Variants in RHCE observed in about 807,000 individuals in gnomAD.
RHCE encodes the protein blood group Rh(CE) polypeptide.
Under a neutral mutation model 43.8 loss-of-function variants are expected in RHCE, and 22 were observed. The ratio of observed to expected loss-of-function variants is 0.50; its 90% confidence interval spans 0.36 to 0.72. The LOEUF is 0.72. Ranked by LOEUF, RHCE falls within the 30% of genes least tolerant of loss-of-function variation. RHCE has a pLI of 0.00. For synonymous variants in RHCE, 156 were observed against 210.7 expected, an observed-to-expected ratio of 0.74 and a Z score of 2.25; for missense variants, 385 against 525.4, an observed-to-expected ratio of 0.73 and a Z score of 2.61.
chr1:25,393,315 G>T (rs796380174), intron 3 of RHCE, among the ~76,000 whole-genome samples: 30 of 152,240 alleles, frequency 2.0e-4, no homozygotes, highest in African/African-American at 7.0e-4. Context: ...AGCAGACAGA[G>T]TGACCCTGTT....
chr1:25,411,787 G>A (rs549014118), intron 1 of RHCE, among the ~76,000 whole-genome samples: 10 of 152,298 alleles, frequency 6.6e-5, no homozygotes, highest in African/African-American at 1.7e-4. Context: ...ATATGAAGGT[G>A]CAGTGCACAT....
chr1:25,379,505 T>A (rs1349280163), intron 7 of RHCE, among the ~76,000 whole-genome samples: 74 of 39,734 alleles, frequency 1.9e-3, no homozygotes, highest in African/African-American at 9.8e-3. Context: ...ATTTTTTTTT[T>A]TTTTTTTTTT....
At chr1:25,416,030 T>C (rs1647390172) in intron 1 of RHCE, among the ~76,000 whole-genome samples, 1 of 151,206 alleles carries the variant, frequency 6.6e-6, no homozygotes, top group Non-Finnish European at 1.5e-5. Flanking sequence ...AACATGGATC[T>C]AGGCTATTCT....
intron 5 of RHCE, among the ~76,000 whole-genome samples, chr1:25,390,336 G>A (rs371173959): frequency 6.6e-6 from 1 of 152,204 alleles, no homozygotes; most frequent in South Asian, 2.1e-4. Context: ...CACATGGCTA[G>A]TGTCACATAC....
intron 9 of RHCE, among the ~76,000 whole-genome samples, chr1:25,370,114 G>A (rs970878872): frequency 1.7e-4 from 26 of 151,752 alleles, no homozygotes; most frequent in Admixed American, 9.8e-4. Flanking sequence ...AAGGCTTGAG[G>A]TTTCTTCCAG....
intron 6 of RHCE, 105 bp downstream of exon 6, chr1:25,388,871 C>G: frequency 6.3e-7 from 1 of 1,580,096 alleles, no homozygotes; most frequent in African/African-American, 1.3e-5. Context: ...GAGAATGCAC[C>G]AACACCTGCC....
At chr1:25,384,703 G>A (rs115821170) in intron 7 of RHCE, among the ~76,000 whole-genome samples, 6,693 of 152,158 alleles carry the variant, frequency 0.044, 461 homozygotes, top group African/African-American at 0.15. Flanking sequence ...GAACCCCAGC[G>A]CCTCCATGAT....
At chr1:25,400,074 C>T (rs1193386815) in intron 3 of RHCE, among the ~76,000 whole-genome samples, 2 of 152,176 alleles carry the variant, frequency 1.3e-5, no homozygotes, top group Non-Finnish European at 2.9e-5. Flanking sequence ...CCCACTCCTG[C>T]TTTCCAACTC....
At chr1:25,400,083 T>C (rs1194955451) in intron 3 of RHCE, among the ~76,000 whole-genome samples, 1 of 152,162 alleles carries the variant, frequency 6.6e-6, no homozygotes, top group Admixed American at 6.5e-5. Context: ...GCTTTCCAAC[T>C]CAAAGGCTTG....
intron 6 of RHCE, among the ~76,000 whole-genome samples, chr1:25,387,632 TA>T (rs1235524010): frequency 6.6e-6 from 1 of 152,192 alleles, no homozygotes; most frequent in Non-Finnish European, 1.5e-5. Flanking sequence ...CCAGAGGAGA[TA>T]AAAGAAATTT....
At chr1:25,424,512 C>T (rs1260336400), upstream of RHCE, among the ~76,000 whole-genome samples, 7 of 152,088 alleles carry the variant, frequency 4.6e-5, no homozygotes, top group East Asian at 1.9e-4. Context: ...CTCAGCCTCC[C>T]GAGTAGCTGG....
At chr1:25,377,976 T>G (rs1289789190) in intron 7 of RHCE, among the ~76,000 whole-genome samples, 4 of 152,118 alleles carry the variant, frequency 2.6e-5, no homozygotes, top group Non-Finnish European at 5.9e-5. Flanking sequence ...ATTCCTAAAA[T>G]CAATAAGAAA....
intron 1 of RHCE, among the ~76,000 whole-genome samples, chr1:25,418,296 G>A (rs1169798826): frequency 6.6e-6 from 1 of 152,010 alleles, no homozygotes; most frequent in Non-Finnish European, 1.5e-5. Flanking sequence ...CAAAGTGTTT[G>A]GGATTACAGG....
At position 25,399,293 on chromosome 1, in the gene RHCE, A is replaced by G. The variant is rs1003378079; in HGVS notation, c.486+3303T>C. Reference sequence around the variant, plus strand: ...GCTCACAATAAGGAAGAAATAACAGATAAGTCCATTGGTGGACAGCCTTCT... The same window carrying G: ...GCTCACAATAAGGAAGAAATAACAGGTAAGTCCATTGGTGGACAGCCTTCT... On this transcript the variant is annotated intron_variant, in intron 3 of 9. Coordinates refer to ENST00000294413, the MANE Select transcript of RHCE (RefSeq NM_020485.8). 7 of 829,830 alleles carry G rather than the reference A, an allele frequency of 8.4e-6. 1 individual carries two copies. The highest frequency in any genetic ancestry group is 1.4e-5 in the South Asian group (1 of 72,872). 51.4% of individuals were successfully genotyped at this position (829,830 alleles called of 1,614,324 possible).
At chr1:25,376,449 G>C (rs780926136) in intron 7 of RHCE, among the ~76,000 whole-genome samples, 54 of 152,264 alleles carry the variant, frequency 3.5e-4, no homozygotes, top group Middle Eastern at 3.4e-3. Context: ...TAAGACAAAG[G>C]AAAGCTCCAA....
intron 3 of RHCE, among the ~76,000 whole-genome samples, chr1:25,401,225 A>G (rs1410024035): frequency 1.3e-5 from 2 of 151,996 alleles, no homozygotes; most frequent in Non-Finnish European, 2.9e-5. Context: ...TAATTCAATT[A>G]CTCCCTCAAA....
At chr1:25,396,718 C>A (rs1646549339) in intron 3 of RHCE, among the ~76,000 whole-genome samples, 1 of 152,186 alleles carries the variant, frequency 6.6e-6, no homozygotes, top group South Asian at 2.1e-4. Context: ...GGGGAAACCA[C>A]CCCTGTGATC....
chr1:25,392,233 T>A (rs1646394821), intron 3 of RHCE, 92 bp from the exon 4 acceptor site: 2 of 1,601,106 alleles, frequency 1.2e-6, no homozygotes, highest in Admixed American at 3.3e-5. Context: ...AGAGCTTCAC[T>A]TAGGAGGTGT....
At chr1:25,413,033 G>T (rs1232872911) in intron 1 of RHCE, among the ~76,000 whole-genome samples, 4 of 150,312 alleles carry the variant, frequency 2.7e-5, no homozygotes, top group Non-Finnish European at 4.4e-5. Flanking sequence ...CAAAAAAAAA[G>T]AGAGATGAGG....
Sources: allele counts gnomAD v4.1 joint callset (sites outside exome capture counted in the v4.1 genomes callset), GRCh38; gene constraint gnomAD v4.1.1; transcripts MANE v1.5; gene names NCBI Gene and HGNC (gene_info 2026-07-23, HGNC 2026-07-21).